Variants in UGT1A7 observed in about 807,000 individuals in gnomAD.
UGT1A7 encodes the protein UDP-glucuronosyltransferase 1A7.
UGT1A7 carries 33 observed loss-of-function variants against 45.6 expected under a neutral mutation model. The observed-to-expected ratio is 0.72, with a 90% CI of 0.55 to 0.97. UGT1A7 has a LOEUF of 0.97. UGT1A7 is among the 50% of genes least tolerant of loss of function. The pLI is 0.00. For missense variants in UGT1A7, 684 were observed against 666.2 expected, an observed-to-expected ratio of 1.03 and a Z score of -0.29; for synonymous variants, 274 against 250.6, an observed-to-expected ratio of 1.09 and a Z score of -0.88.
At chr2:233,720,517 A>G (rs556440432) in intron 1 of UGT1A7, among the ~76,000 whole-genome samples, 3 of 152,226 alleles carry the variant, frequency 2.0e-5, no homozygotes, top group East Asian at 1.9e-4. Context: ...GAAGCTGATC[A>G]TATCACCAAA....
At chr2:233,753,038 T>C (rs1254734461) in intron 1 of UGT1A7, among the ~76,000 whole-genome samples, 1 of 152,162 alleles carries the variant, frequency 6.6e-6, no homozygotes, top group Non-Finnish European at 1.5e-5. Flanking sequence ...AAAACTACCA[T>C]GAAACTGTTC....
Position 233,769,857 on chromosome 2 carries a change from C to CTAA in UGT1A7, c.1295+1418_1295+1419insTAA. Reference sequence around the variant, plus strand: ...TGGGCAACAGAGTGAGACCCTGTCTCAAAAAAAAAAAAAAAAATGAAAAGT... The same window carrying CTAA: ...TGGGCAACAGAGTGAGACCCTGTCTCTAAAAAAAAAAAAAAAAAAATGAAAAGT... On this transcript the variant is annotated intron_variant, in intron 4 of 4. Coordinates refer to ENST00000373426, the MANE Select transcript of UGT1A7 (RefSeq NM_019077.3). This position sits in a 1 kb window ranked among gnomAD's most constrained non-coding sequence, Gnocchi z 4.4. 4.5e-6 allele frequency: 1 copy of CTAA among 223,668 alleles called. No homozygotes were observed. Among genetic ancestry groups the CTAA allele is most frequent in the Non-Finnish European group, 8.0e-6 (1 of 125,120 alleles). The allele number at this position is 223,668 out of a possible 1,614,324, so 13.9% of individuals were successfully genotyped here.
chr2:233,739,300 G>T (rs1406642019), intron 1 of UGT1A7, among the ~76,000 whole-genome samples: 2 of 152,210 alleles, frequency 1.3e-5, no homozygotes, highest in African/African-American at 2.4e-5. Flanking sequence ...CTGGGGCACT[G>T]CCTAGTGGAG....
chr2:233,767,896 C>T lies in UGT1A7; in HGVS notation c.1035C>T (p.Asn345=), dbSNP rs1260686155. ...CCCGACCATCGAATCTTGCGAACAACACGATACTTGTTAAGTGGCTACCCC... is the reference window on the plus strand; with the variant it reads ...CCCGACCATCGAATCTTGCGAACAATACGATACTTGTTAAGTGGCTACCCC... ...TGTRPSNLAN[N]TILVKWLPQN... The change falls in exon 3 of 5, where the codon AAC becomes AAT. Residue 345 remains asparagine (N), a synonymous_variant. Transcript: ENST00000373426. 2.5e-6 allele frequency: 4 copies of T among 1,614,050 alleles called. No homozygotes were observed. Among genetic ancestry groups the T allele is most frequent in the African/African-American group, 1.3e-5 (1 of 74,912 alleles).
chr2:233,734,491 GT>G (rs528831440), intron 1 of UGT1A7, among the ~76,000 whole-genome samples: 1 of 151,904 alleles, frequency 6.6e-6, no homozygotes, highest in Non-Finnish European at 1.5e-5. Context: ...TTTTTTGAAG[GT>G]TTTTTTGTGT....
At chr2:233,732,487 T>A (rs1464258255) in intron 1 of UGT1A7, among the ~76,000 whole-genome samples, 1 of 152,252 alleles carries the variant, frequency 6.6e-6, no homozygotes, top group African/African-American at 2.4e-5. Flanking sequence ...AATTTTTGTA[T>A]AAGGCGTAAG....
chr2:233,724,889 T>A lies in UGT1A7; in HGVS notation c.855+42097T>A, dbSNP rs2077329092. On this transcript the variant is annotated intron_variant, in intron 1 of 4. Coordinates refer to ENST00000373426, the MANE Select transcript of UGT1A7 (RefSeq NM_019077.3). The stretch of plus-strand genomic sequence containing the variant: ...TTGTAGTGAGCGGAGATCACGCCAC[T>A]GCACTCCAGCCTGGGCACCATTGAG... 1.5e-5 allele frequency among the ~76,000 whole-genome samples: 2 copies of A among 135,370 alleles called. 1 individual carries two copies. Among genetic ancestry groups the A allele is most frequent in the Non-Finnish European group, 3.1e-5 (2 of 64,272 alleles). The allele number at this position is 135,370 out of a possible 152,430, so 88.8% of individuals were successfully genotyped here. A position where few individuals can be genotyped will look rare whatever the true frequency, so the allele number is the denominator to read the frequency against.
intron 1 of UGT1A7, among the ~76,000 whole-genome samples, chr2:233,714,201 T>C (rs2076373171): frequency 6.6e-6 from 1 of 152,184 alleles, no homozygotes. Flanking sequence ...CACTGAGAAC[T>C]GATCCATCCA....
chr2:233,701,802 C>T (rs2075652671), intron 1 of UGT1A7, among the ~76,000 whole-genome samples: 2 of 152,046 alleles, frequency 1.3e-5, no homozygotes, highest in Non-Finnish European at 2.9e-5. Context: ...TCAACGAGAA[C>T]AAAGACACAA....
intron 1 of UGT1A7, among the ~76,000 whole-genome samples, chr2:233,759,580 A>G (rs1271749262): frequency 2.0e-5 from 3 of 151,416 alleles, no homozygotes; most frequent in Non-Finnish European, 2.9e-5. Flanking sequence ...TCTCTACCCC[A>G]GCACGCCCCC....
At chr2:233,753,987 C>A (rs1695364762) in intron 1 of UGT1A7, among the ~76,000 whole-genome samples, 1 of 152,156 alleles carries the variant, frequency 6.6e-6, no homozygotes, top group African/African-American at 2.4e-5. Context: ...TTTTAAGCCA[C>A]CAAGTTTGGG....
chr2:233,693,563 G>T (rs1303936700), intron 1 of UGT1A7: 1 of 1,614,216 alleles, frequency 6.2e-7, no homozygotes, highest in Non-Finnish European at 8.5e-7. Context: ...CAGAAGCCCA[G>T]ACCCTGTGTC....
At chr2:233,754,446 C>T in intron 1 of UGT1A7, 1 of 350,362 alleles carries the variant, frequency 2.9e-6, no homozygotes, top group Non-Finnish European at 5.6e-6. Context: ...TTTATAAATT[C>T]TTGGGTACAG....
intron 1 of UGT1A7, among the ~76,000 whole-genome samples, chr2:233,688,730 A>T (rs1008137516): frequency 1.3e-5 from 2 of 152,156 alleles, no homozygotes; most frequent in African/African-American, 4.8e-5. Context: ...AGAGTCTTTG[A>T]GTGACTGGGA....
intron 1 of UGT1A7, chr2:233,747,345 C>A (rs905208353): frequency 6.2e-7 from 1 of 1,602,546 alleles, no homozygotes; most frequent in South Asian, 1.1e-5. Flanking sequence ...GGCTCGCATG[C>A]GGGAGGCCGT....
intron 1 of UGT1A7, among the ~76,000 whole-genome samples, chr2:233,724,194 C>T (rs1375067088): frequency 3.2e-5 from 4 of 125,876 alleles, no homozygotes; most frequent in Non-Finnish European, 4.9e-5. Context: ...GACGGGGTGG[C>T]TGGCCGGGCT....
intron 1 of UGT1A7, among the ~76,000 whole-genome samples, chr2:233,738,491 G>C (rs113157638): frequency 5.3e-5 from 8 of 152,298 alleles, no homozygotes; most frequent in African/African-American, 1.9e-4. Flanking sequence ...CTTGTTGAAC[G>C]GTTTTGACCA....
At chr2:233,772,033 A>T (rs33979061) in intron 4 of UGT1A7, among the ~76,000 whole-genome samples, 1 of 152,088 alleles carries the variant, frequency 6.6e-6, no homozygotes, top group Non-Finnish European at 1.5e-5. Flanking sequence ...GGATGGCTTG[A>T]GCCCAGGAGT....
intron 1 of UGT1A7, among the ~76,000 whole-genome samples, chr2:233,698,691 T>TA (rs937682275): frequency 1.3e-5 from 2 of 152,038 alleles, no homozygotes; most frequent in Non-Finnish European, 2.9e-5. Context: ...AATACATTTC[T>TA]AAAAAAAATG....
Sources: gnomAD v4.1 joint callset for allele counts (sites outside exome capture counted in the v4.1 genomes callset) on GRCh38, gnomAD v4.1.1 for gene constraint, Gnocchi (gnomAD v3.1) non-coding constraint, MANE v1.5 for transcripts, NCBI Gene and HGNC (gene_info 2026-07-23, HGNC 2026-07-21) for gene names.